The following KCNN2 variants were observed in gnomAD, a reference collection of about 807,000 sequenced individuals.
KCNN2 encodes potassium calcium-activated channel subfamily N member 2, also known as small conductance calcium-activated potassium channel protein 2.
KCNN2 carries 24 observed loss-of-function variants against 55.5 expected under a neutral mutation model. The observed-to-expected ratio is 0.43, with a 90% CI of 0.31 to 0.61. The LOEUF (loss-of-function observed/expected upper bound fraction) is 0.61, where lower values mean the gene tolerates loss of function less well. Ranked by LOEUF, KCNN2 falls within the 20% of genes least tolerant of loss-of-function variation. The pLI is 0.08. For missense variants in KCNN2, 754 were observed against 853.6 expected, an observed-to-expected ratio of 0.88 and a Z score of 1.45; for synonymous variants, 431 against 336.1, an observed-to-expected ratio of 1.28 and a Z score of -3.09.
At chr5:114,451,770 G>C (rs1472522737) in intron 3 of KCNN2, among the ~76,000 whole-genome samples, 2 of 151,934 alleles carry the variant, frequency 1.3e-5, no homozygotes, top group African/African-American at 4.8e-5. Flanking sequence ...GGTAGCGGGT[G>C]CCTGTAGTCT....
At chr5:114,454,409 G>C (rs1760827197) in intron 3 of KCNN2, among the ~76,000 whole-genome samples, 1 of 152,140 alleles carries the variant, frequency 6.6e-6, no homozygotes, top group Non-Finnish European at 1.5e-5. Flanking sequence ...CTCGGTAAGG[G>C]TAAGGGTTTA....
At chr5:114,459,520 C>T (rs944476340) in intron 3 of KCNN2, among the ~76,000 whole-genome samples, 9 of 152,174 alleles carry the variant, frequency 5.9e-5, no homozygotes, top group African/African-American at 2.2e-4. Context: ...ATGATAATAT[C>T]ATCCTGTGAA....
At chr5:114,420,757 T>C (rs1448351374) in intron 3 of KCNN2, among the ~76,000 whole-genome samples, 3 of 152,252 alleles carry the variant, frequency 2.0e-5, no homozygotes, top group Non-Finnish European at 4.4e-5. Context: ...TCTAGAACTT[T>C]AATGGCATGA....
At chr5:114,067,126 G>C (rs139855423) in intron 1 of KCNN2, among the ~76,000 whole-genome samples, 1 of 152,318 alleles carries the variant, frequency 6.6e-6, no homozygotes, top group African/African-American at 2.4e-5. Context: ...TCAGAAAAAA[G>C]AGAAGACAGT....
intron 2 of KCNN2, among the ~76,000 whole-genome samples, chr5:114,394,289 T>A (rs1397508092): frequency 6.6e-6 from 1 of 152,222 alleles, no homozygotes; most frequent in Admixed American, 6.5e-5. Flanking sequence ...CATCTCATTT[T>A]CCATGACCTA....
At chr5:114,229,182 TAG>T (rs1754305142) in intron 2 of KCNN2, among the ~76,000 whole-genome samples, 1 of 151,870 alleles carries the variant, frequency 6.6e-6, no homozygotes, top group Admixed American at 6.6e-5. Flanking sequence ...TTCAGTTTCA[TAG>T]AGAGTCATAT....
chr5:114,388,848 T>C (rs1171914696), intron 2 of KCNN2, among the ~76,000 whole-genome samples: 3 of 152,190 alleles, frequency 2.0e-5, no homozygotes, highest in Non-Finnish European at 4.4e-5. Flanking sequence ...GGAATATTTC[T>C]AAAATTTAGA....
intron 1 of KCNN2, among the ~76,000 whole-genome samples, chr5:114,111,794 G>C (rs549783808): frequency 2.0e-4 from 31 of 152,310 alleles, no homozygotes; most frequent in African/African-American, 7.2e-4. Flanking sequence ...TCTCATGCCA[G>C]TTAGAATGGT....
chr5:114,284,369 T>C (rs1271480884), intron 2 of KCNN2, among the ~76,000 whole-genome samples: 1 of 152,190 alleles, frequency 6.6e-6, no homozygotes, highest in Non-Finnish European at 1.5e-5. Flanking sequence ...AAAAAATTTC[T>C]GTTTTAGTAG....
At chr5:114,192,244 C>T (rs895639661) in intron 1 of KCNN2, among the ~76,000 whole-genome samples, 3 of 152,150 alleles carry the variant, frequency 2.0e-5, no homozygotes, top group Admixed American at 6.6e-5. Flanking sequence ...ACCCACATCA[C>T]GTGACTTTTA....
intron 1 of KCNN2, among the ~76,000 whole-genome samples, chr5:114,174,766 A>G (rs1173006763): frequency 2.0e-5 from 3 of 152,136 alleles, no homozygotes; most frequent in Non-Finnish European, 4.4e-5. Context: ...TTCCTCAGGT[A>G]TGGATTAAAA....
intron 5 of KCNN2, among the ~76,000 whole-genome samples, chr5:114,476,870 A>G (rs1761992319): frequency 2.6e-5 from 4 of 152,340 alleles, no homozygotes; most frequent in African/African-American, 4.8e-5. Flanking sequence ...GCCATTTTAT[A>G]GTCCTCTCAT....
At chr5:114,452,754 G>A (rs1760749352) in intron 3 of KCNN2, among the ~76,000 whole-genome samples, 1 of 152,176 alleles carries the variant, frequency 6.6e-6, no homozygotes, top group African/African-American at 2.4e-5. Context: ...AGGTGAATAT[G>A]CCGCTACAGT....
intron 2 of KCNN2, among the ~76,000 whole-genome samples, chr5:114,399,431 C>A (rs376090603): frequency 6.6e-6 from 1 of 152,130 alleles, no homozygotes; most frequent in Non-Finnish European, 1.5e-5. Context: ...ACCAACCTTG[C>A]GTCCCAGAGA....
chr5:114,325,364 C>A (rs960547554), intron 2 of KCNN2, among the ~76,000 whole-genome samples: 12 of 152,232 alleles, frequency 7.9e-5, no homozygotes, highest in South Asian at 2.1e-4. Flanking sequence ...TCAACCTATC[C>A]AGATTGCAAA....
chr5:114,416,326 C>T (rs1041511587), intron 3 of KCNN2, among the ~76,000 whole-genome samples: 1 of 152,144 alleles, frequency 6.6e-6, no homozygotes, highest in Non-Finnish European at 1.5e-5. Flanking sequence ...TGACCAAAAG[C>T]AAACATTTGC....
intron 1 of KCNN2, among the ~76,000 whole-genome samples, chr5:114,202,008 T>C (rs1753682183): frequency 6.6e-6 from 1 of 152,270 alleles, no homozygotes; most frequent in Admixed American, 6.5e-5. Context: ...GTGATGCTCA[T>C]GTCTCAGTCT....
intron 1 of KCNN2, among the ~76,000 whole-genome samples, chr5:114,096,480 A>G (rs901272241): frequency 3.9e-5 from 6 of 152,134 alleles, no homozygotes; most frequent in Admixed American, 3.9e-4. Flanking sequence ...AAACCAAGCT[A>G]TATACTCATG....
At chr5:114,249,290 C>CT (rs202151944) in intron 2 of KCNN2, among the ~76,000 whole-genome samples, 1 of 106,840 alleles carries the variant, frequency 9.4e-6, no homozygotes. Context: ...TTCTTTCTTT[C>CT]TTTTTTTTAA....
Sources: gnomAD v4.1 joint callset for allele counts (sites outside exome capture counted in the v4.1 genomes callset) on GRCh38, gnomAD v4.1.1 for gene constraint, MANE v1.5 for transcripts, NCBI Gene and HGNC (gene_info 2026-07-23, HGNC 2026-07-21) for gene names.